The following FGF12 variants were observed in gnomAD, a reference collection of about 807,000 sequenced individuals.
The protein encoded by FGF12 is fibroblast growth factor 12B.
Under a neutral mutation model 23.6 loss-of-function variants are expected in FGF12, and 14 were observed. That is an observed-to-expected ratio of 0.59 (90% CI 0.39 to 0.93). The LOEUF (loss-of-function observed/expected upper bound fraction) is 0.93. Among genes scored for constraint, FGF12 ranks in the 40% least tolerant of loss-of-function variants. FGF12 has a pLI of 0.00. For missense variants in FGF12, 175 were observed against 217.8 expected (o/e 0.80, Z 1.24); for synonymous variants, 62 against 77.3 (o/e 0.80, Z 1.04).
chr3:192,452,997 C>G (rs1378035212), intron 2 of FGF12, among the ~76,000 whole-genome samples: 1 of 152,182 alleles, frequency 6.6e-6, no homozygotes, highest in Non-Finnish European at 1.5e-5. Context: ...TAATTCCAGA[C>G]AATTTTCAGT....
At chr3:192,615,930 T>C (rs1452968354) in intron 2 of FGF12, among the ~76,000 whole-genome samples, 1 of 151,778 alleles carries the variant, frequency 6.6e-6, no homozygotes, top group Non-Finnish European at 1.5e-5. Flanking sequence ...CATCAAAATA[T>C]CACATTTATC....
chr3:192,448,856 A>G (rs907412719), intron 2 of FGF12, among the ~76,000 whole-genome samples: 5 of 152,236 alleles, frequency 3.3e-5, no homozygotes, highest in Non-Finnish European at 7.3e-5. Flanking sequence ...GTTTAAATTC[A>G]GGTGCAATAT....
intron 2 of FGF12, among the ~76,000 whole-genome samples, chr3:192,595,827 G>A (rs1381491473): frequency 6.6e-6 from 1 of 152,146 alleles, no homozygotes; most frequent in African/African-American, 2.4e-5. Context: ...AAGCACAGTG[G>A]CTCACACCTA....
intron 2 of FGF12, among the ~76,000 whole-genome samples, chr3:192,566,220 C>A (rs974914640): frequency 1.3e-5 from 2 of 152,188 alleles, no homozygotes; most frequent in Non-Finnish European, 2.9e-5. Context: ...CTAGTTAGAG[C>A]CAAATTGAGG....
At chr3:192,320,289 T>C (rs912106786) in intron 4 of FGF12, among the ~76,000 whole-genome samples, 7 of 151,960 alleles carry the variant, frequency 4.6e-5, no homozygotes, top group African/African-American at 1.7e-4. Context: ...CAAGAGGATA[T>C]AAAAATTGTA....
At chr3:192,567,735 C>CTCTTTCTTTCTTTCTT (rs58243923) in intron 2 of FGF12, among the ~76,000 whole-genome samples, 177 of 126,056 alleles carry the variant, frequency 1.4e-3, no homozygotes, top group Non-Finnish European at 1.7e-3. Flanking sequence ...CTCCATGTGT[C>CTCTTTCTTTCTTTCTT]TCTTTCTTTC....
chr3:192,157,973 C>A (rs1419001235), intron 5 of FGF12, among the ~76,000 whole-genome samples: 1 of 152,116 alleles, frequency 6.6e-6, no homozygotes, highest in Non-Finnish European at 1.5e-5. Flanking sequence ...AAGAGGGTAA[C>A]CTGTCCAAAG....
chr3:192,725,659 T>C (rs1386624301), intron 2 of FGF12, among the ~76,000 whole-genome samples: 3 of 152,168 alleles, frequency 2.0e-5, no homozygotes, highest in African/African-American at 7.2e-5. Context: ...GCAAAACTGT[T>C]ACCAAGAACC....
At chr3:192,474,228 A>G (rs976480565) in intron 2 of FGF12, among the ~76,000 whole-genome samples, 15 of 152,260 alleles carry the variant, frequency 9.9e-5, no homozygotes, top group African/African-American at 3.6e-4. Context: ...CGATGTAGAA[A>G]TTAAAACTTT....
At chr3:192,396,982 A>G (rs1720550477) in intron 2 of FGF12, among the ~76,000 whole-genome samples, 1 of 152,242 alleles carries the variant, frequency 6.6e-6, no homozygotes, top group African/African-American at 2.4e-5. Context: ...CCCAACCAAG[A>G]TGGTAGTTCC....
chr3:192,333,008 T>C (rs954037397), intron 4 of FGF12, among the ~76,000 whole-genome samples: 1 of 152,112 alleles, frequency 6.6e-6, no homozygotes, highest in Admixed American at 6.6e-5. Flanking sequence ...GATACCCCAA[T>C]AGGTTTACAA....
intron 2 of FGF12, among the ~76,000 whole-genome samples, chr3:192,441,461 G>A (rs1307628158): frequency 1.3e-5 from 2 of 152,102 alleles, no homozygotes. Flanking sequence ...TTCCTTCCCT[G>A]TAACGCCTCT....
intron 4 of FGF12, among the ~76,000 whole-genome samples, chr3:192,189,775 A>T (rs1716679573): frequency 6.6e-6 from 1 of 152,096 alleles, no homozygotes; most frequent in South Asian, 2.1e-4. Context: ...TAACCACGAG[A>T]AAATTTATTT....
At position 192,721,325 on chromosome 3, in the gene FGF12, T is replaced by TG. The variant is rs535754210; in HGVS notation, c.13+5855dup. Among the ~76,000 whole-genome samples, 781 of 152,268 alleles carry TG rather than the reference T, an allele frequency of 5.1e-3. 2 individuals are homozygous for TG. Among genetic ancestry groups the TG allele is most frequent in the African/African-American group, 0.018 (735 of 41,542 alleles). On this transcript the variant is annotated intron_variant, in intron 2 of 5. Transcript: ENST00000445105. ...TGATATTATGGTACAGCACTTGGGA[T>TG]GGGTATAAGAATTTTTATTTTGCAG...
At chr3:192,619,203 T>C (rs372582101) in intron 2 of FGF12, among the ~76,000 whole-genome samples, 4 of 151,874 alleles carry the variant, frequency 2.6e-5, no homozygotes, top group East Asian at 3.9e-4. Flanking sequence ...TGAGATGAGA[T>C]GAAAGAGAAA....
At chr3:192,654,701 G>A (rs1716335019) in intron 2 of FGF12, among the ~76,000 whole-genome samples, 1 of 152,172 alleles carries the variant, frequency 6.6e-6, no homozygotes, top group South Asian at 2.1e-4. Flanking sequence ...CTTCTTGAAC[G>A]TAGTCCGTTC....
chr3:192,301,644 C>T (rs975803498), intron 4 of FGF12, among the ~76,000 whole-genome samples: 9 of 152,104 alleles, frequency 5.9e-5, no homozygotes. Context: ...AAGTTTTGAC[C>T]TGTAAGATGA....
At chr3:192,625,878 T>C (rs1037527403) in intron 2 of FGF12, among the ~76,000 whole-genome samples, 4 of 152,186 alleles carry the variant, frequency 2.6e-5, no homozygotes, top group South Asian at 2.1e-4. Context: ...TACCATGAAC[T>C]GCAATTTTTC....
chr3:192,201,642 A>G (rs1392595748), intron 4 of FGF12, among the ~76,000 whole-genome samples: 8 of 151,782 alleles, frequency 5.3e-5, no homozygotes, highest in African/African-American at 1.7e-4. Context: ...CCATCAGCCC[A>G]TAACTGTGGA....
Sources: gnomAD v4.1 joint callset for allele counts (sites outside exome capture counted in the v4.1 genomes callset) on GRCh38, gnomAD v4.1.1 for gene constraint, MANE v1.5 for transcripts, NCBI Gene and HGNC (gene_info 2026-07-23, HGNC 2026-07-21) for gene names.